The following SH3RF2 variants were observed in gnomAD, a reference collection of about 807,000 sequenced individuals.
SH3RF2 encodes E3 ubiquitin-protein ligase SH3RF2.
SH3RF2 carries 43 observed loss-of-function variants against 59.0 expected under a neutral mutation model. The ratio of observed to expected loss-of-function variants is 0.73; its 90% CI spans 0.57 to 0.94. The LOEUF is 0.94. Ranked by LOEUF, SH3RF2 falls within the 40% of genes least tolerant of loss-of-function variation. The pLI is 0.00. For missense variants in SH3RF2, 930 were observed against 940.1 expected (o/e 0.99, Z 0.14); for synonymous variants, 391 against 391.5 (o/e 1.00, Z 0.01).
chr5:146,076,430 G>A (rs1376704092), intron 9 of SH3RF2, among the ~76,000 whole-genome samples: 1 of 152,174 alleles, frequency 6.6e-6, no homozygotes, highest in Non-Finnish European at 1.5e-5. Flanking sequence ...TATGTCTAAG[G>A]CAGACCGCCT....
At position 146,047,836 on chromosome 5, in the gene SH3RF2, G is replaced by A; in HGVS notation, c.1124G>A (p.Gly375Asp). The A allele has an allele frequency of 6.2e-7, 1 of 1,614,014 alleles. No individual in the cohort carries two copies. Among genetic ancestry groups the A allele is most frequent in the South Asian group, 1.1e-5 (1 of 91,084 alleles). ...GHSTAVVSLP[G>D]SQQHLSANMF... is the part of the protein sequence containing the mutation. ...TCCACAGCCGTGGTCAGTCTGCCTG[G>A]CTCCCAGCAACACCTCTCAGCGAAC... is the stretch of plus-strand genomic sequence containing the variant. The change falls in exon 6 of 10, where the codon GGC becomes GAC. Residue 375 changes from glycine to aspartate, a missense_variant. Physicochemically the swap from Gly to Asp is moderately conservative, Grantham distance 94. Transcript: ENST00000359120.
intron 2 of SH3RF2, among the ~76,000 whole-genome samples, chr5:145,939,646 A>AG (rs1252396689): frequency 3.3e-5 from 5 of 152,142 alleles, no homozygotes; most frequent in Admixed American, 2.6e-4. Context: ...AACTCTTTTT[A>AG]AGTCCCTCCA....
chr5:146,076,230 T>A (rs1763340074), intron 9 of SH3RF2, among the ~76,000 whole-genome samples: 1 of 152,194 alleles, frequency 6.6e-6, no homozygotes, highest in Non-Finnish European at 1.5e-5. Context: ...AAACCACTGC[T>A]ACTCGCTTGG....
chr5:145,975,970 T>A (rs1759278751), intron 2 of SH3RF2, among the ~76,000 whole-genome samples: 1 of 152,206 alleles, frequency 6.6e-6, no homozygotes, highest in Non-Finnish European at 1.5e-5. Context: ...CAATAAGAGA[T>A]CAATGGTGTT....
intron 5 of SH3RF2, among the ~76,000 whole-genome samples, chr5:146,028,359 G>A (rs1761617896): frequency 6.6e-6 from 1 of 152,200 alleles, no homozygotes; most frequent in Non-Finnish European, 1.5e-5. Flanking sequence ...TGGTGCAGTG[G>A]CCTCAGCCAA....
chr5:145,975,900 G>A (rs1192042120), intron 2 of SH3RF2, among the ~76,000 whole-genome samples: 1 of 152,226 alleles, frequency 6.6e-6, no homozygotes, highest in African/African-American at 2.4e-5. Context: ...AGGCTTAGAT[G>A]AGATAGTACA....
rs1757653625 is a variant in SH3RF2 at position 145,937,817 on chromosome 5, A to G, written c.-106-6A>G. The G allele has an allele frequency of 8.9e-6, 12 of 1,355,266 alleles. No homozygotes were observed. The highest frequency in any genetic ancestry group is 1.2e-5 in the Non-Finnish European group (12 of 1,000,222). The allele number at this position is 1,355,266 out of a possible 1,614,324, so 84.0% of individuals were successfully genotyped here. A position where few individuals can be genotyped will look rare whatever the true frequency, so the allele number is the denominator to read the frequency against. On this transcript the variant is annotated splice_polypyrimidine_tract_variant and splice_region_variant and intron_variant, in intron 1 of 9. Transcript: ENST00000359120. ...TTTTTTTCTCTCCTCTCCCTCCTTC[A>G]AGCAGGCAAAAATTCTGACGTTCTC... is the stretch of plus-strand genomic sequence containing the variant.
intron 2 of SH3RF2, among the ~76,000 whole-genome samples, chr5:145,977,173 C>A (rs759958882): frequency 3.3e-5 from 5 of 152,222 alleles, no homozygotes; most frequent in Non-Finnish European, 7.3e-5. Flanking sequence ...TAGTCCAGGG[C>A]TCTTTTTCTT....
chr5:146,006,772 A>G (rs1760663424), intron 4 of SH3RF2, among the ~76,000 whole-genome samples: 1 of 152,222 alleles, frequency 6.6e-6, no homozygotes, highest in Non-Finnish European at 1.5e-5. Context: ...CAGTGGCTTA[A>G]CAAAGAAAAT....
intron 5 of SH3RF2, among the ~76,000 whole-genome samples, chr5:146,041,902 G>T (rs1236900845): frequency 6.6e-6 from 1 of 152,164 alleles, no homozygotes; most frequent in African/African-American, 2.4e-5. Context: ...TGGCACTCTA[G>T]CCTGGGTGAC....
At chr5:145,943,738 G>T (rs928494525) in intron 2 of SH3RF2, among the ~76,000 whole-genome samples, 1 of 150,828 alleles carries the variant, frequency 6.6e-6, no homozygotes, top group East Asian at 1.9e-4. Flanking sequence ...TCAGTTAAAG[G>T]TGTCTGGCCA....
At chr5:145,985,963 T>G (rs1399982986) in intron 2 of SH3RF2, among the ~76,000 whole-genome samples, 1 of 152,032 alleles carries the variant, frequency 6.6e-6, no homozygotes, top group South Asian at 2.1e-4. Context: ...ATGATTGCAC[T>G]GCTGCACTCC....
intron 2 of SH3RF2, among the ~76,000 whole-genome samples, chr5:145,993,894 A>G (rs958453721): frequency 3.3e-5 from 5 of 152,162 alleles, no homozygotes; most frequent in African/African-American, 9.7e-5. Context: ...GCGGGCTTCA[A>G]TTTCTCCTCA....
chr5:145,995,990 C>T (rs906119136), intron 2 of SH3RF2, among the ~76,000 whole-genome samples: 1 of 152,042 alleles, frequency 6.6e-6, no homozygotes, highest in Non-Finnish European at 1.5e-5. Flanking sequence ...TATGTTAAAC[C>T]CCCTAGCACA....
chr5:146,039,095 T>G (rs183601017), intron 5 of SH3RF2, among the ~76,000 whole-genome samples: 9 of 152,298 alleles, frequency 5.9e-5, no homozygotes, highest in Admixed American at 5.2e-4. Context: ...TAATTGGGTA[T>G]CCATGAGGAA....
intron 2 of SH3RF2, among the ~76,000 whole-genome samples, chr5:145,950,967 T>C (rs1416228420): frequency 6.6e-6 from 1 of 152,262 alleles, no homozygotes; most frequent in African/African-American, 2.4e-5. Context: ...ACTATGGTTA[T>C]GGAAAAAGTT....
intron 5 of SH3RF2, among the ~76,000 whole-genome samples, chr5:146,029,220 T>C (rs1303305387): frequency 6.6e-6 from 1 of 152,204 alleles, no homozygotes; most frequent in Non-Finnish European, 1.5e-5. Flanking sequence ...TCAGAGAGGC[T>C]AAGTATCTAG....
At position 146,061,819 on chromosome 5, in the gene SH3RF2, CTTTGA is replaced by C. The variant is rs368707696; in HGVS notation, c.1915-603_1915-599del. On this transcript the variant is annotated intron_variant, in intron 9 of 9. Coordinates refer to ENST00000359120, the MANE Select transcript of SH3RF2 (RefSeq NM_152550.4). ...GAGCCATAGGCCCAGTGCGTCAGAGCTTTGATTTTTTTTTTAAGAGACATATGAAA... is the reference window on the plus strand; with the variant it reads ...GAGCCATAGGCCCAGTGCGTCAGAGCTTTTTTTTTTAAGAGACATATGAAA... 3.3e-3 allele frequency among the ~76,000 whole-genome samples: 501 copies of C among 152,146 alleles called. 3 individuals carry two copies. Among genetic ancestry groups the C allele is most frequent in the African/African-American group, 0.012 (480 of 41,486 alleles).
At position 146,004,721 on chromosome 5, in the gene SH3RF2, GAAT is replaced by G. The variant is rs550343998; in HGVS notation, c.744+573_744+575del. Among the ~76,000 whole-genome samples the G allele has an allele frequency of 1.4e-4, 21 of 151,782 alleles. No individual in the cohort carries two copies. The East Asian group carries it at 1.5e-3, about 11-fold the overall frequency. On this transcript the variant is annotated intron_variant, in intron 4 of 9. Transcript: ENST00000359120. ...TATTTATGGAGAATAAATAAATGGA[GAAT>G]AATATTTAATATCATAAAATGTTCA...
Sources: allele counts gnomAD v4.1 joint callset (sites outside exome capture counted in the v4.1 genomes callset), GRCh38; gene constraint gnomAD v4.1.1; transcripts MANE v1.5; gene names NCBI Gene and HGNC (gene_info 2026-07-23, HGNC 2026-07-21).